The following DNAI1 variants were observed in gnomAD, a reference collection of about 807,000 sequenced individuals.
DNAI1 encodes the protein dynein axonemal intermediate chain 1, also known as dynein, axonemal, intermediate polypeptide 1.
Under a neutral mutation model 92.0 loss-of-function variants are expected in DNAI1, and 67 were observed. The observed-to-expected ratio is 0.73, with a 90% CI of 0.60 to 0.89. The LOEUF (loss-of-function observed/expected upper bound fraction) is 0.89. DNAI1 is among the 40% of genes least tolerant of loss of function. DNAI1 has a pLI of 0.00. For missense variants in DNAI1, 839 were observed against 866.6 expected, an observed-to-expected ratio of 0.97 and a Z score of 0.40; for synonymous variants, 323 against 319.6, an observed-to-expected ratio of 1.01 and a Z score of -0.11.
At chr9:34,468,653 C>T (rs1463921545) in intron 1 of DNAI1, among the ~76,000 whole-genome samples, 1 of 151,660 alleles carries the variant, frequency 6.6e-6, no homozygotes, top group Admixed American at 6.6e-5. Flanking sequence ...TAAAAAAAAC[C>T]TCGTCTCTAC....
At chr9:34,483,170 T>A (rs1423699317) in intron 1 of DNAI1, among the ~76,000 whole-genome samples, 1 of 152,102 alleles carries the variant, frequency 6.6e-6, no homozygotes, top group East Asian at 1.9e-4. Flanking sequence ...CTTCCACACC[T>A]CCCTGCAAGC....
chr9:34,483,280 G>A (rs577686213), intron 1 of DNAI1, among the ~76,000 whole-genome samples, 168 bp from the exon 2 acceptor site: 80 of 152,396 alleles, frequency 5.2e-4, no homozygotes, highest in African/African-American at 1.8e-3. Context: ...GGGAGCCCAG[G>A]CAGGGGAGGT....
At chr9:34,509,654 T>G (rs1825025473) in intron 13 of DNAI1, among the ~76,000 whole-genome samples, 1 of 151,844 alleles carries the variant, frequency 6.6e-6, no homozygotes, top group Non-Finnish European at 1.5e-5. Context: ...GCAGCATGAG[T>G]GATTTTGAAG....
At chr9:34,467,660 G>A (rs4879793) in intron 1 of DNAI1, among the ~76,000 whole-genome samples, 27,342 of 151,776 alleles carry the variant, frequency 0.18, 2,666 homozygotes, top group East Asian at 0.33. Flanking sequence ...ATAAAATGCA[G>A]TATATATATA....
chr9:34,512,798 C>T (rs1187964874), intron 15 of DNAI1, among the ~76,000 whole-genome samples: 2 of 152,214 alleles, frequency 1.3e-5, no homozygotes, highest in Non-Finnish European at 2.9e-5. Flanking sequence ...TCCCTGTTTG[C>T]AGACCCTGTC....
chr9:34,468,681 G>A (rs1232988123), intron 1 of DNAI1, among the ~76,000 whole-genome samples: 3 of 152,008 alleles, frequency 2.0e-5, no homozygotes, highest in African/African-American at 7.2e-5. Context: ...TTAAAAATTA[G>A]CCAGGCGTGG....
At chr9:34,470,995 A>G (rs1396835596) in intron 1 of DNAI1, among the ~76,000 whole-genome samples, 3 of 152,232 alleles carry the variant, frequency 2.0e-5, no homozygotes, top group African/African-American at 4.8e-5. Context: ...ATTAAAGAAT[A>G]CTTCTGAATA....
At chr9:34,478,517 A>G (rs932533912) in intron 1 of DNAI1, 1 of 152,272 alleles carries the variant, frequency 6.6e-6, no homozygotes, top group African/African-American at 2.4e-5. Context: ...AGTGACCTCC[A>G]TCCAAATGCT....
chr9:34,499,285 A>G (rs1824780849), intron 10 of DNAI1, among the ~76,000 whole-genome samples: 1 of 152,204 alleles, frequency 6.6e-6, no homozygotes, highest in African/African-American at 2.4e-5. Context: ...AAGTCCCACA[A>G]CCTCAAGGTA....
chr9:34,502,813 C>T lies in DNAI1; in HGVS notation c.1063+1632C>T, dbSNP rs894211838. Reference sequence around the variant, plus strand: ...TCCTGGGGGTGGGGGTGTCACTTTCCAGTGACACCTGGGGCCAGAAGCCTC... The same window carrying T: ...TCCTGGGGGTGGGGGTGTCACTTTCTAGTGACACCTGGGGCCAGAAGCCTC... On this transcript the variant is annotated intron_variant, in intron 12 of 19. Coordinates refer to ENST00000242317, the MANE Select transcript of DNAI1 (RefSeq NM_012144.4). Among the ~76,000 whole-genome samples the T allele has an allele frequency of 2.6e-5, 4 of 152,042 alleles. No individual in the cohort carries two copies. The East Asian group carries it at 7.7e-4, about 29-fold the overall frequency.
At chr9:34,496,062 G>T (rs1028692214) in intron 9 of DNAI1, among the ~76,000 whole-genome samples, 3 of 152,136 alleles carry the variant, frequency 2.0e-5, no homozygotes, top group Non-Finnish European at 4.4e-5. Flanking sequence ...CGGGAACTGG[G>T]TTAGACACTA....
intron 3 of DNAI1, 55 bp downstream of exon 3, chr9:34,485,295 G>A (rs1564031502): frequency 6.8e-6 from 11 of 1,609,748 alleles, no homozygotes; most frequent in Middle Eastern, 1.7e-4. Flanking sequence ...TTTCGGAGAT[G>A]TGTTCTTCCA....
intron 1 of DNAI1, among the ~76,000 whole-genome samples, chr9:34,467,367 G>C (rs1038702212): frequency 6.6e-6 from 1 of 151,708 alleles, no homozygotes; most frequent in African/African-American, 2.4e-5. Context: ...GGAGGCTGAG[G>C]CAGGAGGATC....
At chr9:34,459,953 G>A (rs1420876940) in intron 1 of DNAI1, among the ~76,000 whole-genome samples, 1 of 152,118 alleles carries the variant, frequency 6.6e-6, no homozygotes, top group Non-Finnish European at 1.5e-5. Flanking sequence ...GAGGAGAGAG[G>A]CCCTTTTCTC....
In DNAI1 at chr9:34,506,878, A is replaced by G. The variant is rs538266295; in HGVS notation, c.1311+4A>G. On this transcript the variant is annotated splice_donor_region_variant and intron_variant, in intron 13 of 19. Coordinates refer to ENST00000242317, the MANE Select transcript of DNAI1 (RefSeq NM_012144.4). The stretch of plus-strand genomic sequence containing the variant: ...GCACTCAGACCCTGTGTGGCAGGTC[A>G]GCAACCAGGCTGGGAGGGGTGGGGA... 11 of 1,613,528 alleles carry G rather than the reference A, an allele frequency of 6.8e-6. No individual in the cohort carries two copies. Among genetic ancestry groups the G allele is most frequent in the African/African-American group, 6.7e-5 (5 of 75,046 alleles).
In DNAI1 at chr9:34,483,481, G is replaced by T; in HGVS notation, c.81+1G>T. ...CATAGGCAGAGGAACCAGGAAGAGAGTAAGTGCTGAGACTACCATGGTCTC... is the reference window on the plus strand; with the variant it reads ...CATAGGCAGAGGAACCAGGAAGAGATTAAGTGCTGAGACTACCATGGTCTC... On this transcript the variant is annotated splice_donor_variant, in intron 2 of 19. Transcript: ENST00000242317. LOFTEE classifies it high-confidence loss of function. The T allele has an allele frequency of 6.2e-7, 1 of 1,612,240 alleles. No homozygotes were observed. Among genetic ancestry groups the T allele is most frequent in the Non-Finnish European group, 8.5e-7 (1 of 1,179,692 alleles).
At chr9:34,489,527 T>G (rs1824539383) in intron 5 of DNAI1, 78 bp downstream of exon 5, 2 of 1,556,798 alleles carry the variant, frequency 1.3e-6, no homozygotes, top group Non-Finnish European at 1.8e-6. Flanking sequence ...AGTATACCTC[T>G]AAGCCAGAAC....
intron 16 of DNAI1, 133 bp downstream of exon 16, chr9:34,513,324 G>A: frequency 1.3e-6 from 1 of 752,668 alleles, no homozygotes; most frequent in South Asian, 1.5e-5. Context: ...TGAGGGAAGA[G>A]AATGTATTTC....
At chr9:34,485,398 G>T in intron 3 of DNAI1, 39 bp from the exon 4 acceptor site, 1 of 1,609,768 alleles carries the variant, frequency 6.2e-7, no homozygotes, top group Non-Finnish European at 8.5e-7. Flanking sequence ...GGGTTGGGGG[G>T]TCTTCATGTA....
Sources: gnomAD v4.1 joint callset for allele counts (sites outside exome capture counted in the v4.1 genomes callset) on GRCh38, gnomAD v4.1.1 for gene constraint, MANE v1.5 for transcripts, NCBI Gene and HGNC (gene_info 2026-07-23, HGNC 2026-07-21) for gene names.